CDK2AP1: variants seen among roughly 807,000 people sequenced by gnomAD.
CDK2AP1 encodes cyclin-dependent kinase 2-associated protein 1.
In CDK2AP1, 10 loss-of-function variants were observed where a neutral mutation model predicts 14.1. That is an observed-to-expected ratio of 0.71 (90% confidence interval 0.44 to 1.20). The LOEUF (loss-of-function observed/expected upper bound fraction) is 1.20. Ranked by LOEUF, CDK2AP1 falls within the 50% of genes most tolerant of loss-of-function variation. The probability of loss-of-function intolerance (pLI) is 0.00; values close to 1 mark genes in which losing one functional copy is unlikely to be tolerated. For missense variants in CDK2AP1, 102 were observed against 149.9 expected (o/e 0.68, Z 1.67); for synonymous variants, 59 against 59.8 (o/e 0.99, Z 0.06).
At position 123,265,486 on chromosome 12, in the gene CDK2AP1, G is replaced by C. The variant is rs1195565129; in HGVS notation, c.154-164C>G. On this transcript the variant is annotated intron_variant, in intron 2 of 3. Coordinates refer to ENST00000261692, the MANE Select transcript of CDK2AP1 (RefSeq NM_004642.4). This position sits in a 1 kb window ranked among gnomAD's most constrained non-coding sequence, Gnocchi z 5.3. ...CCACTGCACTCCAGCCTGGGCAACA[G>C]AGCGAGACTCCATCTCGGGGGAAAA... Among the ~76,000 whole-genome samples the C allele has an allele frequency of 2.0e-5, 3 of 146,856 alleles. No individual in the cohort carries two copies. The highest frequency in any genetic ancestry group is 7.4e-5 in the African/African-American group (3 of 40,428).
At chr12:123,264,563 T>C (rs1236372738) in intron 3 of CDK2AP1, among the ~76,000 whole-genome samples, 1 of 147,092 alleles carries the variant, frequency 6.8e-6, no homozygotes, top group East Asian at 2.0e-4. Flanking sequence ...CCTTCTAAAA[T>C]AGAAATCCTG....
intron 1 of CDK2AP1, chr12:123,268,115 C>T (rs547893936): frequency 2.1e-5 from 19 of 886,776 alleles, no homozygotes; most frequent in South Asian, 1.6e-4. Flanking sequence ...TGGCCATTAG[C>T]GGGTAAAGGA....
rs1450857952 is a variant in CDK2AP1 at position 123,261,486 on chromosome 12, C to T, written c.*250G>A. The T allele has an allele frequency of 1.2e-5, 5 of 432,744 alleles. No individual in the cohort carries two copies. Among genetic ancestry groups the T allele is most frequent in the East Asian group, 4.3e-5 (1 of 23,016 alleles). The allele number at this position is 432,744 out of a possible 1,614,324, so 26.8% of individuals were successfully genotyped here. On this transcript the variant is annotated 3_prime_UTR_variant, in exon 4 of 4. Transcript: ENST00000261692. Reference sequence around the variant, plus strand: ...GTTTGCTGTAAGATAACTTTCCGTGCATCTTTTAAATCAATGCTTAAAAAA... The same window carrying T: ...GTTTGCTGTAAGATAACTTTCCGTGTATCTTTTAAATCAATGCTTAAAAAA...
chr12:123,264,057 C>T (rs1332291880), intron 3 of CDK2AP1, among the ~76,000 whole-genome samples: 1 of 150,550 alleles, frequency 6.6e-6, no homozygotes, highest in Non-Finnish European at 1.5e-5. Context: ...TGCAGTGGGC[C>T]GAGATCGTGC....
intron 3 of CDK2AP1, among the ~76,000 whole-genome samples, chr12:123,263,314 C>T (rs1376173439): frequency 6.6e-6 from 1 of 152,060 alleles, no homozygotes; most frequent in Admixed American, 6.6e-5. Flanking sequence ...ACTCCCTGAC[C>T]CCTCTATGAC....
In CDK2AP1 at chr12:123,265,108, C is replaced by A; in HGVS notation, c.280+88G>T. Reference sequence around the variant, plus strand: ...TCCCATGAGTGAGCCTCATCCCTAGCCCACCTTCCCACATTTTCCCCAAAA... The same window carrying A: ...TCCCATGAGTGAGCCTCATCCCTAGACCACCTTCCCACATTTTCCCCAAAA... On this transcript the variant is annotated intron_variant, in intron 3 of 3. Coordinates refer to ENST00000261692, the MANE Select transcript of CDK2AP1 (RefSeq NM_004642.4). The surrounding 1 kb of genome is among the most constrained non-coding windows in gnomAD (Gnocchi z 5.3). The A allele has an allele frequency of 6.4e-7, 1 of 1,556,246 alleles. No homozygotes were observed.
rs541193093 is a variant in CDK2AP1 at position 123,262,159 on chromosome 12, A to G, written c.281-356T>C. On this transcript the variant is annotated intron_variant, in intron 3 of 3. Coordinates refer to ENST00000261692, the MANE Select transcript of CDK2AP1 (RefSeq NM_004642.4). ...ATTTTTCTCTGGCTTCTTCAGTCTGAATTCTAGACAGGGCTTGACCGGCGT... is the reference window on the plus strand; with the variant it reads ...ATTTTTCTCTGGCTTCTTCAGTCTGGATTCTAGACAGGGCTTGACCGGCGT... 62 of 205,556 alleles carry G rather than the reference A, an allele frequency of 3.0e-4. 1 individual carries two copies. In the South Asian group the frequency reaches 6.0e-3, roughly 20 times the overall value. The allele number at this position is 205,556 out of a possible 1,614,324, so 12.7% of individuals were successfully genotyped here. A position where few individuals can be genotyped will look rare whatever the true frequency, so the allele number is the denominator to read the frequency against.
At chr12:123,266,203 C>G (rs952343590) in intron 2 of CDK2AP1, among the ~76,000 whole-genome samples, 2 of 152,356 alleles carry the variant, frequency 1.3e-5, no homozygotes, top group East Asian at 3.9e-4. Context: ...TCTGTCCTGT[C>G]CTCGTCCTGC....
chr12:123,266,607 TG>T (rs2048298274), intron 2 of CDK2AP1, among the ~76,000 whole-genome samples: 2 of 152,208 alleles, frequency 1.3e-5, no homozygotes, highest in Admixed American at 6.5e-5. Flanking sequence ...CAGCCTGGGC[TG>T]GGGGTACTAG....
chr12:123,266,074 A>G (rs960882511), intron 2 of CDK2AP1, among the ~76,000 whole-genome samples: 2 of 152,176 alleles, frequency 1.3e-5, no homozygotes, highest in Non-Finnish European at 2.9e-5. Context: ...CAAGCCCGCA[A>G]GCCCACAAGC....
rs2048280405 is a variant in CDK2AP1, at chr12:123,265,477, TG to T, written c.154-156del. Among the ~76,000 whole-genome samples, 1 of 143,744 alleles carries T rather than the reference TG, an allele frequency of 7.0e-6. No individual in the cohort carries two copies. The highest frequency in any genetic ancestry group is 7.3e-5 in the Admixed American group (1 of 13,660). The allele number at this position is 143,744 out of a possible 152,430, so 94.3% of individuals were successfully genotyped here. A position where few individuals can be genotyped will look rare whatever the true frequency, so the allele number is the denominator to read the frequency against. ...AAGATCACTCCACTGCACTCCAGCCTGGGCAACAGAGCGAGACTCCATCTCG... is the reference window on the plus strand; with the variant it reads ...AAGATCACTCCACTGCACTCCAGCCTGGCAACAGAGCGAGACTCCATCTCG... On this transcript the variant is annotated intron_variant, in intron 2 of 3. Transcript: ENST00000261692. The surrounding 1 kb of genome is among the most constrained non-coding windows in gnomAD (Gnocchi z 5.3).
At chr12:123,264,196 C>T (rs189472548) in intron 3 of CDK2AP1, among the ~76,000 whole-genome samples, 14 of 152,000 alleles carry the variant, frequency 9.2e-5, no homozygotes, top group Admixed American at 7.2e-4. Context: ...TGGTGGCTCA[C>T]GCCTGTAATG....
chr12:123,270,272 G>A (rs776095971), intron 1 of CDK2AP1: 15 of 768,558 alleles, frequency 2.0e-5, no homozygotes, highest in Non-Finnish European at 2.4e-5. Context: ...TTGGGACTCC[G>A]AGCCCACAAG....
At chr12:123,263,612 C>G (rs1219426301) in intron 3 of CDK2AP1, among the ~76,000 whole-genome samples, 1 of 152,200 alleles carries the variant, frequency 6.6e-6, no homozygotes, top group African/African-American at 2.4e-5. Flanking sequence ...TCCCTTCCCC[C>G]AGGCCCTCTT....
chr12:123,271,620 C>G lies in CDK2AP1; in HGVS notation c.-2G>C. On this transcript the variant is annotated 5_prime_UTR_variant, in exon 1 of 4. Transcript: ENST00000261692. ...GGCCAAGTTCGGTTTGTAAGACATC[C>G]CCCCGGGCGGCGGGCGCGCCGGGCG... 1.0e-6 allele frequency: 1 copy of G among 993,722 alleles called. No individual in the cohort carries two copies. The highest frequency in any genetic ancestry group is 1.2e-6 in the Non-Finnish European group (1 of 836,254). The allele number at this position is 993,722 out of a possible 1,614,324, so 61.6% of individuals were successfully genotyped here.
rs2048285999 is a variant in CDK2AP1, at chr12:123,265,948, C to T, written c.154-626G>A. The stretch of plus-strand genomic sequence containing the variant: ...CCAGCCAGAGCCTGGAATGCATTCC[C>T]TTCTCTCATCCTCCCACCAACAGGG... On this transcript the variant is annotated intron_variant, in intron 2 of 3. Coordinates refer to ENST00000261692, the MANE Select transcript of CDK2AP1 (RefSeq NM_004642.4). This position sits in a 1 kb window ranked among gnomAD's most constrained non-coding sequence, Gnocchi z 5.3. Among the ~76,000 whole-genome samples the T allele has an allele frequency of 3.3e-5, 5 of 152,014 alleles. No homozygotes were observed. In the South Asian group the frequency reaches 1.0e-3, roughly 31 times the overall value.
intron 1 of CDK2AP1, among the ~76,000 whole-genome samples, chr12:123,269,829 G>A (rs1226483470): frequency 6.6e-6 from 1 of 152,112 alleles, no homozygotes; most frequent in Non-Finnish European, 1.5e-5. Context: ...CGGCAGCGGA[G>A]AGTCCATCTT....
At position 123,261,559 on chromosome 12, in the gene CDK2AP1, T is replaced by G; in HGVS notation, c.*177A>C. On this transcript the variant is annotated 3_prime_UTR_variant, in exon 4 of 4. Transcript: ENST00000261692. ...TAACTACTTAAAATGCAAATCCTAA[T>G]TAACTGCAAAATCTTTTCTCAATCT... 1.9e-6 allele frequency: 1 copy of G among 539,872 alleles called. No individual in the cohort carries two copies. Among genetic ancestry groups the G allele is most frequent in the Non-Finnish European group, 3.3e-6 (1 of 303,694 alleles). 33.4% of individuals were successfully genotyped at this position (539,872 alleles called of 1,614,324 possible).
chr12:123,265,241 G>C lies in CDK2AP1; in HGVS notation c.235C>G (p.Pro79Ala). ...GCACTCTTGCTCCCTGCGTACGTGG[G>C]TCTGATCTCCTTCCCCAGCTCTTCA... is the stretch of plus-strand genomic sequence containing the variant. The part of the protein sequence containing the change: ...IIEELGKEIR[P>A]TYAGSKSAME... Residue 79 changes from proline (P) to alanine (A), a missense_variant, in exon 3 of 4, where the codon CCC (proline) becomes GCC (alanine). Physicochemically the swap from Pro to Ala is conservative, Grantham distance 27 (BLOSUM62 -1). Coordinates refer to ENST00000261692, the MANE Select transcript of CDK2AP1 (RefSeq NM_004642.4). The surrounding 1 kb of genome is among the most constrained non-coding windows in gnomAD (Gnocchi z 5.3). The C allele has an allele frequency of 6.2e-7, 1 of 1,614,170 alleles. No individual in the cohort carries two copies. The highest frequency in any genetic ancestry group is 8.5e-7 in the Non-Finnish European group (1 of 1,180,034).
Sources: allele counts gnomAD v4.1 joint callset (sites outside exome capture counted in the v4.1 genomes callset), GRCh38; gene constraint gnomAD v4.1.1; non-coding constraint Gnocchi (gnomAD v3.1); transcripts MANE v1.5; gene names NCBI Gene and HGNC (gene_info 2026-07-23, HGNC 2026-07-21).